Variants in NKAIN3 observed in about 807,000 individuals in gnomAD.
NKAIN3 encodes the protein sodium/potassium-transporting ATPase subunit beta-1-interacting protein 3.
NKAIN3 carries 25 observed loss-of-function variants against 30.2 expected under a neutral mutation model. The ratio of observed to expected loss-of-function variants is 0.83; its 90% CI spans 0.60 to 1.16. The LOEUF (loss-of-function observed/expected upper bound fraction) is 1.16. NKAIN3 is among the 50% of genes most tolerant of loss of function. NKAIN3 has a pLI of 0.00. For synonymous variants in NKAIN3, 91 were observed against 89.6 expected, an observed-to-expected ratio of 1.02 and a Z score of -0.09; for missense variants, 225 against 254.1, an observed-to-expected ratio of 0.89 and a Z score of 0.78.
chr8:62,453,671 A>G (rs1805720099), intron 1 of NKAIN3, among the ~76,000 whole-genome samples: 1 of 152,166 alleles, frequency 6.6e-6, no homozygotes. Context: ...TTAAATAAAC[A>G]CAATCAGAAA....
intron 1 of NKAIN3, among the ~76,000 whole-genome samples, chr8:62,325,680 A>C (rs149414358): frequency 3.4e-4 from 52 of 152,182 alleles, no homozygotes; most frequent in Middle Eastern, 3.4e-3. Flanking sequence ...TCATTCTTAC[A>C]GGAATAAGGT....
rs137881214 is a variant in NKAIN3, at chr8:62,318,123, G to T, written c.54+68996G>T. On this transcript the variant is annotated intron_variant, in intron 1 of 6. Transcript: ENST00000623646. ...GAATGCTTGTGATTTTTTGCACATT[G>T]ATTTTGTATCCTGTGACTTTGCTGA... Among the ~76,000 whole-genome samples, 215 of 152,294 alleles carry T rather than the reference G, an allele frequency of 1.4e-3. 1 individual carries two copies. Among genetic ancestry groups the T allele is most frequent in the African/African-American group, 4.8e-3 (200 of 41,572 alleles).
chr8:62,864,551 A>G (rs1820361681), intron 4 of NKAIN3, among the ~76,000 whole-genome samples: 2 of 152,194 alleles, frequency 1.3e-5, no homozygotes, highest in South Asian at 4.1e-4. Flanking sequence ...GAACAATTCA[A>G]TAGTGAATTG....
intron 1 of NKAIN3, among the ~76,000 whole-genome samples, chr8:62,386,616 T>C (rs1324263300): frequency 6.6e-6 from 1 of 152,218 alleles, no homozygotes; most frequent in African/African-American, 2.4e-5. Context: ...AATCTTGCTT[T>C]ACAACCTAAT....
At chr8:62,823,351 G>T (rs192355110) in intron 4 of NKAIN3, among the ~76,000 whole-genome samples, 11 of 152,108 alleles carry the variant, frequency 7.2e-5, no homozygotes, top group Admixed American at 5.9e-4. Context: ...AAAAGCAAGG[G>T]AAACCACAGT....
rs527754244 is a variant in NKAIN3, at chr8:62,930,335, C to A, written c.532+11822C>A. On this transcript the variant is annotated intron_variant, in intron 5 of 6. Transcript: ENST00000623646. ...ATGGTGCGATCTTAGCTCACTGCAACCTCCGCCTCTCCGGTTCAAACAATT... is the reference window on the plus strand; with the variant it reads ...ATGGTGCGATCTTAGCTCACTGCAAACTCCGCCTCTCCGGTTCAAACAATT... 3.9e-4 allele frequency among the ~76,000 whole-genome samples: 60 copies of A among 152,186 alleles called. 1 individual carries two copies. The highest frequency in any genetic ancestry group is 1.4e-3 in the African/African-American group (60 of 41,536).
intron 4 of NKAIN3, among the ~76,000 whole-genome samples, chr8:62,791,473 G>A (rs907707037): frequency 6.6e-6 from 1 of 152,084 alleles, no homozygotes; most frequent in Non-Finnish European, 1.5e-5. Context: ...CCAAATAAAT[G>A]ACTCAGGCTG....
chr8:62,275,634 T>C (rs1469411992), intron 1 of NKAIN3, among the ~76,000 whole-genome samples: 2 of 152,218 alleles, frequency 1.3e-5, no homozygotes, highest in African/African-American at 4.8e-5. Flanking sequence ...TAAATGTTTT[T>C]AGGTTAAAGG....
intron 4 of NKAIN3, among the ~76,000 whole-genome samples, chr8:62,907,655 A>T (rs2130845673): frequency 6.6e-6 from 1 of 152,308 alleles, no homozygotes; most frequent in South Asian, 2.1e-4. Context: ...TGTACAGCTC[A>T]GGCTGTTGTT....
chr8:62,272,434 T>C (rs1032708598), intron 1 of NKAIN3, among the ~76,000 whole-genome samples: 1 of 152,162 alleles, frequency 6.6e-6, no homozygotes. Context: ...ATATCCCCAA[T>C]GAGAAGCAGT....
intron 1 of NKAIN3, among the ~76,000 whole-genome samples, chr8:62,492,877 C>T (rs1807116480): frequency 6.6e-6 from 1 of 152,022 alleles, no homozygotes; most frequent in Non-Finnish European, 1.5e-5. Context: ...ACACTCCCAC[C>T]AACAGTATGT....
In NKAIN3 at chr8:62,967,817, T is replaced by C. The variant is rs34147228; in HGVS notation, c.*2410T>C. ...CATACACATGCAAATAAAATGTGGT[T>C]AACATTTCACAAAATAGAACCATAC... On this transcript the variant is annotated 3_prime_UTR_variant, in exon 7 of 7. Transcript: ENST00000623646. 0.12 allele frequency among the ~76,000 whole-genome samples: 17,717 copies of C among 152,174 alleles called. 1,173 individuals are homozygous for C. The highest frequency in any genetic ancestry group is 0.22 in the East Asian group (1,118 of 5,148).
intron 1 of NKAIN3, among the ~76,000 whole-genome samples, chr8:62,256,038 T>G (rs1451808009): frequency 6.6e-6 from 1 of 152,150 alleles, no homozygotes; most frequent in Non-Finnish European, 1.5e-5. Context: ...CCTAAGGCTA[T>G]TAGGAGCAAA....
At chr8:62,412,783 G>A (rs1015175676) in intron 1 of NKAIN3, among the ~76,000 whole-genome samples, 2 of 151,340 alleles carry the variant, frequency 1.3e-5, no homozygotes, top group African/African-American at 4.9e-5. Flanking sequence ...ATAGTGGTGG[G>A]TGCCTGTAGC....
chr8:62,817,791 A>G (rs1408272824), intron 4 of NKAIN3, among the ~76,000 whole-genome samples: 1 of 152,176 alleles, frequency 6.6e-6, no homozygotes, highest in Non-Finnish European at 1.5e-5. Context: ...AGCACTATCC[A>G]CATTTCTCTC....
chr8:62,879,911 T>C (rs1018632181), intron 4 of NKAIN3, among the ~76,000 whole-genome samples: 7 of 152,192 alleles, frequency 4.6e-5, no homozygotes, highest in African/African-American at 1.7e-4. Context: ...ATACCTTACA[T>C]GCCTCCATTC....
At chr8:62,904,719 T>C (rs988256200) in intron 4 of NKAIN3, among the ~76,000 whole-genome samples, 5 of 152,236 alleles carry the variant, frequency 3.3e-5, no homozygotes, top group Admixed American at 1.3e-4. Flanking sequence ...TTCTTCTCAT[T>C]TATTCATTCA....
chr8:62,306,917 A>G (rs1410441384), intron 1 of NKAIN3, among the ~76,000 whole-genome samples: 1 of 150,246 alleles, frequency 6.7e-6, no homozygotes, highest in African/African-American at 2.5e-5. Flanking sequence ...AGGGGAAAGC[A>G]TACTGGTCAT....
intron 4 of NKAIN3, among the ~76,000 whole-genome samples, chr8:62,828,022 T>C (rs1819077223): frequency 6.6e-6 from 1 of 152,058 alleles, no homozygotes; most frequent in Admixed American, 6.6e-5. Flanking sequence ...TAGATGTCCT[T>C]CATCAGGTGA....
Sources: allele counts gnomAD v4.1 joint callset (sites outside exome capture counted in the v4.1 genomes callset), GRCh38; gene constraint gnomAD v4.1.1; transcripts MANE v1.5; gene names NCBI Gene and HGNC (gene_info 2026-07-23, HGNC 2026-07-21).